Variants in TXNL4A observed in about 807,000 individuals in gnomAD.
TXNL4A encodes the protein thioredoxin like 4A.
A neutral mutation model predicts 14.6 loss-of-function variants in TXNL4A; 17 were observed. That is an observed-to-expected ratio of 1.16 (90% CI 0.80 to 1.74). The LOEUF is 1.74. TXNL4A is among the 40% of genes most tolerant of loss of function. The probability of loss-of-function intolerance (pLI) is 0.00; values close to 1 mark genes in which losing one functional copy is unlikely to be tolerated. For synonymous variants in TXNL4A, 83 were observed against 70.6 expected (o/e 1.18, Z -0.88); for missense variants, 74 against 195.2 (o/e 0.38, Z 3.70).
intron 1 of TXNL4A, among the ~76,000 whole-genome samples, chr18:80,010,928 C>A (rs1286695571): frequency 6.6e-6 from 1 of 151,882 alleles, no homozygotes; most frequent in Non-Finnish European, 1.5e-5. Flanking sequence ...GGAGTAGAGA[C>A]CCAACTGCTG....
intron 1 of TXNL4A, among the ~76,000 whole-genome samples, chr18:79,987,321 A>G (rs1409039483): frequency 6.6e-6 from 1 of 152,238 alleles, no homozygotes; most frequent in Non-Finnish European, 1.5e-5. Context: ...TTTCCTGAAT[A>G]TAAAATATGT....
At chr18:79,977,560 C>A in intron 2 of TXNL4A, 38 bp downstream of exon 2, 1 of 1,446,896 alleles carries the variant, frequency 6.9e-7, no homozygotes, top group Non-Finnish European at 9.6e-7. Flanking sequence ...TCCAAACTGA[C>A]AATATTCAAT....
intron 1 of TXNL4A, among the ~76,000 whole-genome samples, chr18:80,014,504 G>A (rs1212293122): frequency 2.0e-5 from 3 of 152,098 alleles, no homozygotes; most frequent in Admixed American, 6.5e-5. Flanking sequence ...CTTTGACTTC[G>A]GGTCTCGCAT....
intron 1 of TXNL4A, among the ~76,000 whole-genome samples, chr18:79,998,581 T>A (rs560744787): frequency 6.7e-6 from 1 of 149,310 alleles, no homozygotes. Flanking sequence ...AGCCAACACC[T>A]GGACCCGGTG....
At chr18:79,987,721 G>A (rs1471505788) in intron 1 of TXNL4A, among the ~76,000 whole-genome samples, 1 of 152,164 alleles carries the variant, frequency 6.6e-6, no homozygotes, top group Non-Finnish European at 1.5e-5. Flanking sequence ...TTCTCCTGAT[G>A]TTTACTGCAC....
chr18:79,976,776 C>A, intron 2 of TXNL4A: 1 of 456,476 alleles, frequency 2.2e-6, no homozygotes, highest in South Asian at 1.6e-5. Flanking sequence ...AATTCACCAA[C>A]CTCTATGGTA....
chr18:79,985,190 A>C (rs2051528103), intron 1 of TXNL4A, among the ~76,000 whole-genome samples: 3 of 152,240 alleles, frequency 2.0e-5, no homozygotes, highest in Non-Finnish European at 4.4e-5. Context: ...TGTTCCTACA[A>C]AATGGAAAGA....
intron 1 of TXNL4A, among the ~76,000 whole-genome samples, chr18:80,027,213 G>C (rs1443007158): frequency 6.6e-6 from 1 of 152,044 alleles, no homozygotes; most frequent in Non-Finnish European, 1.5e-5. Flanking sequence ...CGATATTGTA[G>C]AGGAAGCCAT....
rs374547910 is a variant in TXNL4A at position 80,027,870 on chromosome 18, T to C, written c.-61+5981A>G. 1.3e-3 allele frequency among the ~76,000 whole-genome samples: 205 copies of C among 152,332 alleles called. 1 individual carries two copies. The highest frequency in any genetic ancestry group is 4.8e-3 in the African/African-American group (200 of 41,580). ...TGACAGAGTGAGAGGAATTTTAGCT[T>C]TCCCAATGCCTGTGACTAATAAACA... On this transcript the variant is annotated intron_variant, in intron 1 of 2. Transcript: ENST00000585474.
chr18:80,020,881 T>A (rs2051844262), intron 1 of TXNL4A, among the ~76,000 whole-genome samples: 1 of 152,210 alleles, frequency 6.6e-6, no homozygotes, highest in South Asian at 2.1e-4. Context: ...ACCTAATGTT[T>A]TGGTTCTTTC....
intron 1 of TXNL4A, among the ~76,000 whole-genome samples, chr18:80,018,428 A>G (rs1287738042): frequency 6.6e-6 from 1 of 152,230 alleles, no homozygotes; most frequent in African/African-American, 2.4e-5. Context: ...TAAAAGAACT[A>G]GAAAAGCAAG....
chr18:79,979,069 C>T (rs2051423834), intron 1 of TXNL4A, among the ~76,000 whole-genome samples: 1 of 151,902 alleles, frequency 6.6e-6, no homozygotes, highest in Non-Finnish European at 1.5e-5. Context: ...TCTCGTGTAG[C>T]TGGGATTACA....
chr18:79,986,530 C>T (rs1264984640), intron 1 of TXNL4A: 1 of 971,524 alleles, frequency 1.0e-6, no homozygotes, highest in Non-Finnish European at 1.2e-6. Flanking sequence ...GTGATTCATT[C>T]TGTAATAACA....
intron 1 of TXNL4A, among the ~76,000 whole-genome samples, chr18:80,017,518 T>C (rs1311491884): frequency 1.3e-5 from 2 of 152,160 alleles, no homozygotes; most frequent in Non-Finnish European, 2.9e-5. Flanking sequence ...ATAGCTCTTA[T>C]TATTTTGAGA....
intron 2 of TXNL4A, among the ~76,000 whole-genome samples, chr18:79,974,224 A>G (rs1198393515): frequency 2.6e-5 from 4 of 152,186 alleles, no homozygotes; most frequent in Non-Finnish European, 4.4e-5. Flanking sequence ...ATCAACATGG[A>G]TAACAAAATG....
chr18:79,989,124 T>A (rs979753525), upstream of TXNL4A, among the ~76,000 whole-genome samples: 2 of 152,184 alleles, frequency 1.3e-5, no homozygotes, highest in Non-Finnish European at 2.9e-5. Flanking sequence ...CCAGGTTTTT[T>A]AATTTGTCTT....
At chr18:79,987,091 C>T (rs1041615713) in intron 1 of TXNL4A, among the ~76,000 whole-genome samples, 1 of 152,194 alleles carries the variant, frequency 6.6e-6, no homozygotes, top group Non-Finnish European at 1.5e-5. Flanking sequence ...GAAGGTGGTT[C>T]AAGGTCAAGT....
At chr18:80,004,708 C>A (rs559462767) in intron 1 of TXNL4A, among the ~76,000 whole-genome samples, 5 of 152,170 alleles carry the variant, frequency 3.3e-5, no homozygotes, top group African/African-American at 1.2e-4. Flanking sequence ...TGAATGTGCA[C>A]GCTCTGAGAA....
intron 1 of TXNL4A, among the ~76,000 whole-genome samples, chr18:80,001,765 C>T (rs2051699897): frequency 6.6e-6 from 1 of 152,186 alleles, no homozygotes; most frequent in Non-Finnish European, 1.5e-5. Flanking sequence ...TACCCAATGA[C>T]TATACCCCCA....
Sources: allele counts gnomAD v4.1 joint callset (sites outside exome capture counted in the v4.1 genomes callset), GRCh38; gene constraint gnomAD v4.1.1; transcripts MANE v1.5; gene names NCBI Gene and HGNC (gene_info 2026-07-23, HGNC 2026-07-21).